The following SUPT3H variants were observed in gnomAD, a reference collection of about 807,000 sequenced individuals.
The protein encoded by SUPT3H is transcription initiation protein SPT3 homolog.
In SUPT3H, 44 loss-of-function variants were observed where a neutral mutation model predicts 44.3. The observed-to-expected ratio is 0.99, with a 90% CI of 0.78 to 1.28. SUPT3H has a LOEUF of 1.28. SUPT3H is among the 50% of genes most tolerant of loss of function. SUPT3H has a pLI of 0.00. For synonymous variants in SUPT3H, 124 were observed against 125.6 expected (o/e 0.99, Z 0.09); for missense variants, 380 against 387.1 (o/e 0.98, Z 0.15).
chr6:45,037,354 G>C (rs1319460784), intron 3 of SUPT3H, among the ~76,000 whole-genome samples: 2 of 151,564 alleles, frequency 1.3e-5, no homozygotes, highest in Non-Finnish European at 2.9e-5. Context: ...ATAATGATAA[G>C]ATAGAAATAT....
intron 3 of SUPT3H, among the ~76,000 whole-genome samples, chr6:45,036,996 T>C (rs1562312825): frequency 6.6e-6 from 1 of 152,150 alleles, no homozygotes; most frequent in Non-Finnish European, 1.5e-5. Flanking sequence ...AAAAAGATGA[T>C]ATTGTGGGAA....
At chr6:44,848,897 C>A (rs560070804) in intron 10 of SUPT3H, among the ~76,000 whole-genome samples, 1 of 152,302 alleles carries the variant, frequency 6.6e-6, no homozygotes, top group East Asian at 1.9e-4. Context: ...CTTCATTCCC[C>A]CCAACCTTCC....
intron 2 of SUPT3H, among the ~76,000 whole-genome samples, chr6:45,255,987 C>T (rs1366282143): frequency 1.3e-5 from 2 of 152,118 alleles, no homozygotes; most frequent in East Asian, 1.9e-4. Flanking sequence ...CTGGCTAACA[C>T]GGTGAAACCC....
At chr6:45,196,083 TTTTAG>T (rs770122171) in intron 2 of SUPT3H, among the ~76,000 whole-genome samples, 2 of 152,138 alleles carry the variant, frequency 1.3e-5, no homozygotes, top group Middle Eastern at 3.2e-3. Context: ...CAAAATATAC[TTTTAG>T]TTTAATTTAT....
chr6:45,084,841 C>G (rs995276792), intron 3 of SUPT3H, among the ~76,000 whole-genome samples: 1 of 152,128 alleles, frequency 6.6e-6, no homozygotes, highest in Non-Finnish European at 1.5e-5. Context: ...GGCCATTATC[C>G]TAAGTGAGTT....
intron 10 of SUPT3H, among the ~76,000 whole-genome samples, chr6:44,845,345 T>C (rs1360611087): frequency 1.3e-5 from 2 of 152,214 alleles, no homozygotes; most frequent in Non-Finnish European, 1.5e-5. Flanking sequence ...TACCAATCAC[T>C]AGACAGCTCT....
At chr6:44,870,883 TGACGGATG>T (rs1181013995) in intron 10 of SUPT3H, among the ~76,000 whole-genome samples, 1 of 150,958 alleles carries the variant, frequency 6.6e-6, no homozygotes, top group African/African-American at 2.4e-5. Flanking sequence ...AAGAAAGGGG[TGACGGATG>T]CACCTGGAAA....
chr6:45,150,957 G>A (rs565011120), intron 2 of SUPT3H, among the ~76,000 whole-genome samples: 4 of 151,982 alleles, frequency 2.6e-5, no homozygotes, highest in South Asian at 2.1e-4. Context: ...TCCTGACCTC[G>A]TGATCCACCT....
intron 2 of SUPT3H, among the ~76,000 whole-genome samples, chr6:45,319,222 CTTATAA>C (rs894281652): frequency 3.3e-5 from 5 of 151,986 alleles, no homozygotes; most frequent in Non-Finnish European, 5.9e-5. Flanking sequence ...AAATAGGTGT[CTTATAA>C]TTATGTGTCT....
chr6:44,848,957 T>C (rs1218889809), intron 10 of SUPT3H, among the ~76,000 whole-genome samples: 1 of 152,212 alleles, frequency 6.6e-6, no homozygotes, highest in African/African-American at 2.4e-5. Context: ...TTTAAAGGCA[T>C]TTTAGTCTAA....
chr6:44,917,036 C>T (rs1325075887), intron 10 of SUPT3H, among the ~76,000 whole-genome samples: 1 of 151,942 alleles, frequency 6.6e-6, no homozygotes, highest in Non-Finnish European at 1.5e-5. Context: ...CGTCTGTAGT[C>T]CCAGCTATTT....
chr6:44,928,321 T>A (rs1324692324), intron 10 of SUPT3H, among the ~76,000 whole-genome samples: 1 of 152,106 alleles, frequency 6.6e-6, no homozygotes, highest in Non-Finnish European at 1.5e-5. Context: ...TCTGAAGTGA[T>A]TTTTAGAACT....
intron 10 of SUPT3H, among the ~76,000 whole-genome samples, chr6:44,914,024 A>C (rs771308135): frequency 6.6e-5 from 10 of 152,210 alleles, no homozygotes; most frequent in Non-Finnish European, 1.3e-4. Flanking sequence ...ATTACAAAGA[A>C]TAATATTCTA....
chr6:45,093,574 C>T (rs548126001), intron 3 of SUPT3H, among the ~76,000 whole-genome samples: 3 of 152,072 alleles, frequency 2.0e-5, no homozygotes, highest in South Asian at 2.1e-4. Context: ...AAAAGAAAAA[C>T]TGATAAATGA....
chr6:44,960,827 A>T (rs1775923413), intron 7 of SUPT3H, among the ~76,000 whole-genome samples: 1 of 152,136 alleles, frequency 6.6e-6, no homozygotes, highest in African/African-American at 2.4e-5. Context: ...AAAATCTTCC[A>T]AAACATGTTT....
At chr6:44,824,304 C>G (rs1043838485), downstream of SUPT3H, among the ~76,000 whole-genome samples, 1 of 152,128 alleles carries the variant, frequency 6.6e-6, no homozygotes, top group Non-Finnish European at 1.5e-5. Flanking sequence ...TGACAAGTGG[C>G]CAATGCATTG....
At chr6:44,855,011 A>T (rs1337979893) in intron 10 of SUPT3H, among the ~76,000 whole-genome samples, 1 of 152,224 alleles carries the variant, frequency 6.6e-6, no homozygotes, top group Non-Finnish European at 1.5e-5. Flanking sequence ...GAATGAAAAC[A>T]ATCATAGAGT....
At chr6:44,854,382 G>A (rs561411021) in intron 10 of SUPT3H, among the ~76,000 whole-genome samples, 1 of 152,190 alleles carries the variant, frequency 6.6e-6, no homozygotes, top group Admixed American at 6.5e-5. Flanking sequence ...CTTCATAGCA[G>A]CCTGAGTGAT....
intron 3 of SUPT3H, among the ~76,000 whole-genome samples, chr6:45,044,951 T>C (rs1398527661): frequency 6.6e-6 from 1 of 152,168 alleles, no homozygotes; most frequent in African/African-American, 2.4e-5. Context: ...TTTAATCATA[T>C]AAATAGTTTG....
Sources: gnomAD v4.1 joint callset for allele counts (sites outside exome capture counted in the v4.1 genomes callset) on GRCh38, gnomAD v4.1.1 for gene constraint, MANE v1.5 for transcripts, NCBI Gene and HGNC (gene_info 2026-07-23, HGNC 2026-07-21) for gene names.